Variants in PDPK1 observed in about 807,000 individuals in gnomAD.
PDPK1 encodes 3-phosphoinositide dependent protein kinase 1.
PDPK1 carries 7 observed loss-of-function variants against 39.8 expected under a neutral mutation model. The ratio of observed to expected loss-of-function variants is 0.18; its 90% CI spans 0.10 to 0.33. The LOEUF (loss-of-function observed/expected upper bound fraction) is 0.33. Ranked by LOEUF, PDPK1 falls within the 10% of genes least tolerant of loss-of-function variation. The pLI is 1.00. For synonymous variants in PDPK1, 118 were observed against 159.1 expected, an observed-to-expected ratio of 0.74 and a Z score of 1.95; for missense variants, 182 against 384.7, an observed-to-expected ratio of 0.47 and a Z score of 4.41.
intron 2 of PDPK1, among the ~76,000 whole-genome samples, chr16:2,559,490 G>A (rs1402424189): frequency 6.6e-6 from 1 of 150,530 alleles, no homozygotes; most frequent in Admixed American, 6.6e-5. Flanking sequence ...GATTACAGGC[G>A]TGAGCCACTG....
rs547801980 is a variant in PDPK1, at chr16:2,591,721, A to G, written c.1344-4072A>G. On this transcript the variant is annotated intron_variant, in intron 11 of 13. Coordinates refer to ENST00000342085, the MANE Select transcript of PDPK1 (RefSeq NM_002613.5). ...CCAGCACTCTCCTTATCAGCCGAACAGGAGAGGCCTGTGCAGCGCACAGAG... is the reference window on the plus strand; with the variant it reads ...CCAGCACTCTCCTTATCAGCCGAACGGGAGAGGCCTGTGCAGCGCACAGAG... 2.6e-4 allele frequency among the ~76,000 whole-genome samples: 39 copies of G among 152,368 alleles called. 2 individuals are homozygous for G. In the South Asian group the frequency reaches 8.1e-3, roughly 32 times the overall value.
intron 7 of PDPK1, among the ~76,000 whole-genome samples, chr16:2,577,879 C>T (rs1048604277): frequency 6.7e-6 from 1 of 149,120 alleles, no homozygotes; most frequent in African/African-American, 2.5e-5. Flanking sequence ...GCTGGGACTA[C>T]AGGCGCACGC....
chr16:2,543,508 G>A (rs1012213957), intron 1 of PDPK1, among the ~76,000 whole-genome samples: 2 of 133,716 alleles, frequency 1.5e-5, no homozygotes, highest in African/African-American at 2.9e-5. Context: ...CTGTCACTTT[G>A]TTCCTCCTCT....
At chr16:2,538,188 C>G (rs1199823535) in intron 1 of PDPK1, 52 bp downstream of exon 1, 3 of 1,001,694 alleles carry the variant, frequency 3.0e-6, no homozygotes, top group Non-Finnish European at 3.6e-6. Context: ...CTGCCGGGTC[C>G]GGCGGCCGCC....
At position 2,586,876 on chromosome 16, in the gene PDPK1, G is replaced by A. The variant is rs2066888045; in HGVS notation, c.1326G>A (p.Gln442=). ...EDEKRLLLEK[Q]AGGNPWHQFV... is the part of the protein sequence containing the mutation. ...AGAAGAGGTTGTTGTTGGAGAAGCAGGCTGGCGGAAACCCTTGGTAAGAAC... is the reference window on the plus strand; with the variant it reads ...AGAAGAGGTTGTTGTTGGAGAAGCAAGCTGGCGGAAACCCTTGGTAAGAAC... The change falls in exon 11 of 14, where the codon CAG becomes CAA. Residue 442 remains glutamine (Q), a synonymous_variant. Coordinates refer to ENST00000342085, the MANE Select transcript of PDPK1 (RefSeq NM_002613.5). 13 of 1,614,106 alleles carry A rather than the reference G, an allele frequency of 8.1e-6. No individual in the cohort carries two copies. The highest frequency in any genetic ancestry group is 1.1e-5 in the Non-Finnish European group (13 of 1,180,024).
intron 1 of PDPK1, among the ~76,000 whole-genome samples, chr16:2,542,480 G>A (rs2066262829): frequency 6.6e-6 from 1 of 152,206 alleles, no homozygotes; most frequent in Non-Finnish European, 1.5e-5. Flanking sequence ...TAAAGAGTTG[G>A]ATTATACAGG....
At chr16:2,588,663 C>T (rs1490066701) in intron 11 of PDPK1, among the ~76,000 whole-genome samples, 1 of 152,134 alleles carries the variant, frequency 6.6e-6, no homozygotes, top group African/African-American at 2.4e-5. Context: ...TTCCCACTTC[C>T]TTCAGATTTT....
chr16:2,592,957 T>G (rs1363511697), intron 11 of PDPK1: 2 of 456,672 alleles, frequency 4.4e-6, no homozygotes, highest in Non-Finnish European at 8.8e-6. Flanking sequence ...TGAGCCACTC[T>G]GGGGCTTCAG....
At chr16:2,576,298 C>T (rs1332430288) in intron 6 of PDPK1, 1 of 146,860 alleles carries the variant, frequency 6.8e-6, no homozygotes, top group South Asian at 2.1e-4. Context: ...TTTTAATTTG[C>T]ATTTCTTTGA....
At chr16:2,592,656 C>G (rs2067013207) in intron 11 of PDPK1, 3 of 396,508 alleles carry the variant, frequency 7.6e-6, no homozygotes, top group Admixed American at 5.8e-5. Context: ...GACTGGGCAA[C>G]AGAGCGAGAC....
At chr16:2,543,634 G>A (rs1192168659) in intron 1 of PDPK1, among the ~76,000 whole-genome samples, 4 of 151,482 alleles carry the variant, frequency 2.6e-5, no homozygotes, top group Non-Finnish European at 2.9e-5. Context: ...TCTTCTTCAG[G>A]CTTTTCCTCC....
chr16:2,600,305 A>T lies in PDPK1; in HGVS notation c.*2538A>T, dbSNP rs1163494642. 1 of 233,258 alleles carries T rather than the reference A, an allele frequency of 4.3e-6. No individual in the cohort carries two copies. Among genetic ancestry groups the T allele is most frequent in the Non-Finnish European group, 8.5e-6 (1 of 118,124 alleles). The allele number at this position is 233,258 out of a possible 1,614,324, so 14.4% of individuals were successfully genotyped here. A position where few individuals can be genotyped will look rare whatever the true frequency, so the allele number is the denominator to read the frequency against. On this transcript the variant is annotated 3_prime_UTR_variant, in exon 14 of 14. Coordinates refer to ENST00000342085, the MANE Select transcript of PDPK1 (RefSeq NM_002613.5). ...TAGACTTGGGGCCATGTGCCTCCCC[A>T]CACATGGGCAAGGACAGGTGGAATG...
intron 1 of PDPK1, among the ~76,000 whole-genome samples, chr16:2,545,181 G>A (rs1253230130): frequency 6.6e-6 from 1 of 151,626 alleles, no homozygotes; most frequent in African/African-American, 2.4e-5. Flanking sequence ...GGACTTACAG[G>A]TGTGTACCAC....
chr16:2,596,756 C>A (rs977144829), intron 12 of PDPK1, among the ~76,000 whole-genome samples: 6 of 152,168 alleles, frequency 3.9e-5, no homozygotes, highest in African/African-American at 1.4e-4. Flanking sequence ...CTTCCAAGCG[C>A]AGGCTCCTGG....
intron 10 of PDPK1, 152 bp from the exon 11 acceptor site, chr16:2,586,524 T>C (rs553809772): frequency 1.6e-6 from 1 of 638,796 alleles, no homozygotes; most frequent in African/African-American, 1.8e-5. Flanking sequence ...AGGTGTCCCA[T>C]GGAGGAGAAT....
chr16:2,603,139 A>G lies in PDPK1; in HGVS notation c.*5372A>G, dbSNP rs1186560870. On this transcript the variant is annotated 3_prime_UTR_variant, in exon 14 of 14. Transcript: ENST00000342085. ...TTTAGGTGTAGTTACCAGATGATGA[A>G]TTTTCCTCGTATGGTCAGTAGTCTT... The G allele has an allele frequency of 4.5e-6, 1 of 223,062 alleles. No homozygotes were observed. The highest frequency in any genetic ancestry group is 8.9e-6 in the Non-Finnish European group (1 of 112,034). The allele number at this position is 223,062 out of a possible 1,614,324, so 13.8% of individuals were successfully genotyped here.
intron 1 of PDPK1, among the ~76,000 whole-genome samples, chr16:2,540,782 G>A (rs953611184): frequency 4.2e-4 from 64 of 152,348 alleles, no homozygotes; most frequent in Middle Eastern, 6.8e-3. Context: ...CTCTGAATGG[G>A]TGAGGCTTGA....
Position 2,538,081 on chromosome 16 carries a change from G to A in PDPK1, c.-32G>A. On this transcript the variant is annotated 5_prime_UTR_variant, in exon 1 of 14. Transcript: ENST00000342085. ...AGGAGGCGCCGAGCCGCGCAGCGCT[G>A]CGGGGGAGGCGCCCGCGCCGACGCG... 3.9e-6 allele frequency: 4 copies of A among 1,037,768 alleles called. No homozygotes were observed. Among genetic ancestry groups the A allele is most frequent in the Non-Finnish European group, 4.7e-6 (4 of 859,344 alleles). The allele number at this position is 1,037,768 out of a possible 1,614,324, so 64.3% of individuals were successfully genotyped here.
intron 7 of PDPK1, chr16:2,578,380 G>T (rs1424419025): frequency 7.0e-6 from 1 of 143,510 alleles, no homozygotes; most frequent in Non-Finnish European, 1.5e-5. Flanking sequence ...AAGTGGAGAA[G>T]CCCAGCCAGG....
Sources: allele counts gnomAD v4.1 joint callset (sites outside exome capture counted in the v4.1 genomes callset), GRCh38; gene constraint gnomAD v4.1.1; transcripts MANE v1.5; gene names NCBI Gene and HGNC (gene_info 2026-07-23, HGNC 2026-07-21).